CSMD3: variants seen among roughly 807,000 people sequenced by gnomAD.
CSMD3 encodes the protein CUB and Sushi multiple domains 3.
CSMD3 carries 177 observed loss-of-function variants against 435.2 expected under a neutral mutation model. That is an observed-to-expected ratio of 0.41 (90% CI 0.36 to 0.46). CSMD3 has a LOEUF of 0.46. Ranked by LOEUF, CSMD3 falls within the 20% of genes least tolerant of loss-of-function variation. CSMD3 has a pLI of 0.34. For synonymous variants in CSMD3, 1,656 were observed against 1,520.5 expected (o/e 1.09, Z -2.07); for missense variants, 4,265 against 4,504.6 (o/e 0.95, Z 1.52).
At chr8:112,592,532 C>A (rs1275070917) in intron 22 of CSMD3, among the ~76,000 whole-genome samples, 2 of 151,884 alleles carry the variant, frequency 1.3e-5, no homozygotes, top group Admixed American at 6.6e-5. Flanking sequence ...TTTCTATAAT[C>A]ATTTTTTACC....
chr8:112,914,762 T>C (rs1371488935), intron 10 of CSMD3, among the ~76,000 whole-genome samples: 2 of 151,908 alleles, frequency 1.3e-5, no homozygotes, highest in Admixed American at 1.3e-4. Flanking sequence ...CGTGGTACAA[T>C]TATACATTTT....
chr8:113,261,007 C>T (rs998311598), intron 3 of CSMD3, among the ~76,000 whole-genome samples: 1 of 152,070 alleles, frequency 6.6e-6, no homozygotes, highest in African/African-American at 2.4e-5. Context: ...CAAGTCTTTG[C>T]TATTGTAAAT....
chr8:112,391,575 C>T (rs1217461124), intron 35 of CSMD3, among the ~76,000 whole-genome samples: 1 of 151,866 alleles, frequency 6.6e-6, no homozygotes, highest in East Asian at 1.9e-4. Context: ...GCCTGTAGTC[C>T]CAGCTACTCT....
Position 112,391,479 on chromosome 8 carries a change from G to T in CSMD3, c.5810-691C>A, listed in dbSNP as rs976023429. Among the ~76,000 whole-genome samples, 3 of 152,058 alleles carry T rather than the reference G, an allele frequency of 2.0e-5. No individual in the cohort carries two copies. In the East Asian group the frequency reaches 5.8e-4, roughly 29 times the overall value. On this transcript the variant is annotated intron_variant, in intron 35 of 70. Transcript: ENST00000297405. ...TTGGGAGGCTGAGGAGGCTCACCAG[G>T]TCGGGAGTTCGAGACCAGCCTGGCC...
intron 10 of CSMD3, among the ~76,000 whole-genome samples, chr8:112,877,584 AC>A (rs2081323198): frequency 6.6e-6 from 1 of 152,100 alleles, no homozygotes; most frequent in South Asian, 2.1e-4. Context: ...TTCATATGGA[AC>A]CAAAAAAGAG....
At position 113,109,593 on chromosome 8, in the gene CSMD3, C is replaced by T. The variant is rs112821236; in HGVS notation, c.710-10630G>A. 3.0e-3 allele frequency among the ~76,000 whole-genome samples: 451 copies of T among 152,268 alleles called. 3 individuals carry two copies. The highest frequency in any genetic ancestry group is 0.01 in the African/African-American group (417 of 41,550). ...ATAATATTCTTTGGCTCAATGTTTACCCTCCAGGGACTGAGATTGGGTTCC... is the reference window on the plus strand; with the variant it reads ...ATAATATTCTTTGGCTCAATGTTTATCCTCCAGGGACTGAGATTGGGTTCC... On this transcript the variant is annotated intron_variant, in intron 4 of 70. Transcript: ENST00000297405.
chr8:112,433,734 A>G (rs1814008525), intron 32 of CSMD3, among the ~76,000 whole-genome samples: 1 of 151,992 alleles, frequency 6.6e-6, no homozygotes, highest in African/African-American at 2.4e-5. Context: ...TATTTGAAAA[A>G]TAATCATAAC....
intron 22 of CSMD3, among the ~76,000 whole-genome samples, chr8:112,605,511 C>G (rs533184260): frequency 1.3e-5 from 2 of 151,868 alleles, no homozygotes; most frequent in South Asian, 4.2e-4. Flanking sequence ...TTATCCTAAG[C>G]AAATTAATGC....
intron 19 of CSMD3, among the ~76,000 whole-genome samples, chr8:112,646,458 G>C (rs1002966413): frequency 6.6e-6 from 1 of 152,076 alleles, no homozygotes; most frequent in African/African-American, 2.4e-5. Flanking sequence ...CTGTATATCA[G>C]TATTCTTTCA....
At chr8:112,371,627 C>T (rs761091481) in intron 38 of CSMD3, among the ~76,000 whole-genome samples, 20 of 152,098 alleles carry the variant, frequency 1.3e-4, no homozygotes, top group Non-Finnish European at 2.6e-4. Context: ...CAGTGGGTCA[C>T]ACGTGTAATC....
intron 13 of CSMD3, among the ~76,000 whole-genome samples, chr8:112,753,273 G>C (rs2077616340): frequency 6.6e-6 from 1 of 151,960 alleles, no homozygotes; most frequent in Non-Finnish European, 1.5e-5. Context: ...TTGGGCAAAG[G>C]GTTGGAGATG....
At chr8:112,815,846 G>A (rs1234091240) in intron 12 of CSMD3, among the ~76,000 whole-genome samples, 1 of 152,070 alleles carries the variant, frequency 6.6e-6, no homozygotes, top group Non-Finnish European at 1.5e-5. Flanking sequence ...CATATATTTA[G>A]TCATTTGTTG....
chr8:113,066,091 T>C, intron 5 of CSMD3, among the ~76,000 whole-genome samples: 1 of 149,040 alleles, frequency 6.7e-6, no homozygotes, highest in African/African-American at 2.5e-5. Flanking sequence ...GAAACCCTTA[T>C]TCTTGCTCTT....
intron 13 of CSMD3, among the ~76,000 whole-genome samples, chr8:112,770,299 C>A (rs2078080231): frequency 6.6e-6 from 1 of 151,892 alleles, no homozygotes; most frequent in African/African-American, 2.4e-5. Flanking sequence ...TGTAAAAAAG[C>A]TCATGAAGTG....
intron 5 of CSMD3, among the ~76,000 whole-genome samples, chr8:113,087,477 C>T (rs1474814753): frequency 6.6e-6 from 1 of 152,280 alleles, no homozygotes; most frequent in East Asian, 1.9e-4. Context: ...GCTACAGTAA[C>T]CAAAACAGCA....
intron 10 of CSMD3, among the ~76,000 whole-genome samples, chr8:112,878,365 A>G (rs1471953897): frequency 6.6e-6 from 1 of 152,186 alleles, no homozygotes; most frequent in African/African-American, 2.4e-5. Flanking sequence ...AACCACAATG[A>G]TATACCATCT....
intron 5 of CSMD3, among the ~76,000 whole-genome samples, chr8:113,036,095 T>C (rs1407901379): frequency 6.6e-6 from 1 of 151,996 alleles, no homozygotes; most frequent in Non-Finnish European, 1.5e-5. Context: ...ACTTACTTTA[T>C]CTACTTGAGA....
At chr8:112,607,291 AT>A (rs1832873468) in intron 22 of CSMD3, among the ~76,000 whole-genome samples, 1 of 151,952 alleles carries the variant, frequency 6.6e-6, no homozygotes, top group South Asian at 2.1e-4. Flanking sequence ...TTATAAAGAA[AT>A]ATTAATATAA....
rs531765459 is a variant in CSMD3 at position 112,591,484 on chromosome 8, T to C, written c.3716-4249A>G. On this transcript the variant is annotated intron_variant, in intron 22 of 70. Coordinates refer to ENST00000297405, the MANE Select transcript of CSMD3 (RefSeq NM_198123.2). ...TATAGTTTTAGATAAACTGAAAAAA[T>C]GCTTTTCAGCAATTTGACTGGATAT... is the stretch of plus-strand genomic sequence containing the variant. 2.4e-4 allele frequency among the ~76,000 whole-genome samples: 36 copies of C among 152,210 alleles called. No homozygotes were observed. The Middle Eastern group carries it at 0.01, about 43-fold the overall frequency.
Sources: gnomAD v4.1 joint callset for allele counts (sites outside exome capture counted in the v4.1 genomes callset) on GRCh38, gnomAD v4.1.1 for gene constraint, MANE v1.5 for transcripts, NCBI Gene and HGNC (gene_info 2026-07-23, HGNC 2026-07-21) for gene names.